MATN2: variants seen among roughly 807,000 people sequenced by gnomAD.
MATN2 encodes the protein matrilin 2.
Under a neutral mutation model 103.2 loss-of-function variants are expected in MATN2, and 69 were observed. The observed-to-expected ratio is 0.67, with a 90% CI of 0.55 to 0.82. The LOEUF (loss-of-function observed/expected upper bound fraction) is 0.82. Ranked by LOEUF, MATN2 falls within the 40% of genes least tolerant of loss-of-function variation. The probability of loss-of-function intolerance (pLI) is 0.00; values close to 1 mark genes in which losing one functional copy is unlikely to be tolerated. For missense variants in MATN2, 1,023 were observed against 1,211.5 expected (o/e 0.84, Z 2.31); for synonymous variants, 429 against 450.2 (o/e 0.95, Z 0.60).
intron 1 of MATN2, among the ~76,000 whole-genome samples, chr8:97,879,887 C>T (rs1433142563): frequency 2.0e-5 from 3 of 152,082 alleles, no homozygotes; most frequent in Non-Finnish European, 4.4e-5. Context: ...AGGTTGTCTT[C>T]CCATTTGCTA....
chr8:97,977,352 C>T (rs953668081), intron 5 of MATN2, among the ~76,000 whole-genome samples: 4 of 151,138 alleles, frequency 2.6e-5, no homozygotes, highest in African/African-American at 9.8e-5. Context: ...TATAAGAACA[C>T]CAGTCATATT....
chr8:97,995,229 C>T (rs975172117), intron 7 of MATN2, among the ~76,000 whole-genome samples: 1 of 152,168 alleles, frequency 6.6e-6, no homozygotes, highest in Non-Finnish European at 1.5e-5. Context: ...CTAGAATGGA[C>T]GGCCCACAAG....
At chr8:97,967,264 T>G (rs577470187) in intron 5 of MATN2, among the ~76,000 whole-genome samples, 148 of 152,236 alleles carry the variant, frequency 9.7e-4, no homozygotes, top group Admixed American at 3.3e-3. Flanking sequence ...AACCATATTA[T>G]TCCACTCCTG....
chr8:97,969,205 A>T (rs1811579489), intron 5 of MATN2, among the ~76,000 whole-genome samples: 1 of 152,166 alleles, frequency 6.6e-6, no homozygotes, highest in Admixed American at 6.5e-5. Context: ...GTGCTAAGCC[A>T]TTTATGGGGG....
intron 5 of MATN2, among the ~76,000 whole-genome samples, chr8:97,969,817 G>C (rs1334147539): frequency 6.6e-6 from 1 of 152,194 alleles, no homozygotes; most frequent in African/African-American, 2.4e-5. Flanking sequence ...TGACCAGGAG[G>C]CCATTGAGAA....
chr8:97,946,817 C>T (rs951468001), intron 4 of MATN2, among the ~76,000 whole-genome samples: 6 of 151,996 alleles, frequency 3.9e-5, no homozygotes, highest in African/African-American at 1.5e-4. Flanking sequence ...GAAATGTTCC[C>T]AACATTATTT....
intron 4 of MATN2, among the ~76,000 whole-genome samples, chr8:97,955,654 T>G (rs1586087726): frequency 1.3e-5 from 2 of 152,184 alleles, no homozygotes; most frequent in East Asian, 1.9e-4. Flanking sequence ...CTGTGTGAAG[T>G]GCATGGCATT....
Position 97,973,497 on chromosome 8 carries a change from T to A in MATN2, c.959-5389T>A, listed in dbSNP as rs111290997. Among the ~76,000 whole-genome samples, 245 of 152,296 alleles carry A rather than the reference T, an allele frequency of 1.6e-3. 2 individuals are homozygous for A. Among genetic ancestry groups the A allele is most frequent in the African/African-American group, 5.5e-3 (228 of 41,562 alleles). On this transcript the variant is annotated intron_variant, in intron 5 of 18. Transcript: ENST00000254898. The stretch of plus-strand genomic sequence containing the variant: ...TTATTTAAAACACATAAATGTATAC[T>A]TAGTAAAAATCACTTTTATGCTTTT...
At chr8:97,930,346 G>C (rs1422816838) in intron 2 of MATN2, among the ~76,000 whole-genome samples, 1 of 152,204 alleles carries the variant, frequency 6.6e-6, no homozygotes, top group Non-Finnish European at 1.5e-5. Flanking sequence ...ATGCAGTAAA[G>C]AATAAAATAA....
chr8:97,986,134 A>C (rs1216968361), intron 6 of MATN2, among the ~76,000 whole-genome samples: 2 of 151,986 alleles, frequency 1.3e-5, no homozygotes, highest in Non-Finnish European at 2.9e-5. Flanking sequence ...TTTTCTGATC[A>C]TTTTCTTAGG....
Position 98,033,648 on chromosome 8 carries a change from T to C in MATN2, c.2804T>C (p.Leu935Ser). 6.3e-7 allele frequency: 1 copy of C among 1,597,436 alleles called. No homozygotes were observed. Residue 935 changes from leucine to serine, a missense_variant, in exon 18 of 19, where the codon TTA (leucine) becomes TCA (serine). Coordinates refer to ENST00000254898, the MANE Select transcript of MATN2 (RefSeq NM_002380.5). Reference sequence around the variant, plus strand: ...CTTGCAAACGAAGAAGTAAGAAAATTAACACAGCGCTATATCCTTTTCTTG... The same window carrying C: ...CTTGCAAACGAAGAAGTAAGAAAATCAACACAGCGCTATATCCTTTTCTTG... ...QNLANEEVRK[L>S]TQRLEEMTQR...
intron 1 of MATN2, among the ~76,000 whole-genome samples, chr8:97,872,780 CA>C (rs1306998767): frequency 4.0e-5 from 6 of 151,128 alleles, no homozygotes; most frequent in Middle Eastern, 3.4e-3. Flanking sequence ...CTAAGTTAAT[CA>C]CATCTCCAAA....
chr8:97,878,231 T>C (rs548754240), intron 1 of MATN2, among the ~76,000 whole-genome samples: 1 of 152,198 alleles, frequency 6.6e-6, no homozygotes, highest in Non-Finnish European at 1.5e-5. Context: ...CTTTAAAATA[T>C]TCAAGCTGAC....
intron 15 of MATN2, chr8:98,031,359 G>A (rs929512256): frequency 2.6e-5 from 4 of 151,966 alleles, no homozygotes; most frequent in Admixed American, 2.6e-4. Context: ...AAAAAAAGGT[G>A]GGGGAAACAG....
chr8:97,973,110 T>C (rs1811715529), intron 5 of MATN2, among the ~76,000 whole-genome samples: 1 of 152,222 alleles, frequency 6.6e-6, no homozygotes, highest in Non-Finnish European at 1.5e-5. Flanking sequence ...TTCACATGCC[T>C]GGCAGTGGGT....
At chr8:97,916,216 C>T (rs955348057) in intron 2 of MATN2, among the ~76,000 whole-genome samples, 26 of 151,976 alleles carry the variant, frequency 1.7e-4, no homozygotes, top group Admixed American at 7.2e-4. Context: ...ATTGCAGGCA[C>T]GCGCTACAAC....
At chr8:97,981,335 C>A (rs1171021819) in intron 6 of MATN2, among the ~76,000 whole-genome samples, 1 of 152,032 alleles carries the variant, frequency 6.6e-6, no homozygotes, top group Admixed American at 6.5e-5. Context: ...AACTCCTGGG[C>A]TCAAGCAATC....
intron 1 of MATN2, among the ~76,000 whole-genome samples, chr8:97,884,790 A>G (rs564184015): frequency 6.6e-6 from 1 of 152,240 alleles, no homozygotes; most frequent in Admixed American, 6.5e-5. Context: ...AACAACAACA[A>G]CAACAACACG....
In MATN2 at chr8:98,032,326, TTTAAGGCAG is replaced by T. The variant is rs1361042758; in HGVS notation, c.2581+11_2581+19del. The T allele has an allele frequency of 1.9e-6, 3 of 1,603,416 alleles. No individual in the cohort carries two copies. The South Asian group carries it at 3.4e-5, about 18-fold the overall frequency. ...GGTCCAACAGCCAACAGGTACAGTT[TTTAAGGCAG>T]TGTTTTTAGAAATTTTGGTGGAGGG... is the stretch of plus-strand genomic sequence containing the variant. On this transcript the variant is annotated intron_variant, in intron 16 of 18. Coordinates refer to ENST00000254898, the MANE Select transcript of MATN2 (RefSeq NM_002380.5).
Sources: gnomAD v4.1 joint callset for allele counts (sites outside exome capture counted in the v4.1 genomes callset) on GRCh38, gnomAD v4.1.1 for gene constraint, MANE v1.5 for transcripts, NCBI Gene and HGNC (gene_info 2026-07-23, HGNC 2026-07-21) for gene names.